Variants in TNFSF4 observed in about 807,000 individuals in gnomAD.
The protein encoded by TNFSF4 is TNF superfamily member 4, also known as tumor necrosis factor ligand superfamily member 4.
A neutral mutation model predicts 7.3 loss-of-function variants in TNFSF4; 4 were observed. The ratio of observed to expected loss-of-function variants is 0.55; its 90% CI spans 0.27 to 1.25. TNFSF4 has a LOEUF of 1.25. Among genes scored for constraint, TNFSF4 ranks in the 50% most tolerant of loss-of-function variants. TNFSF4 has a pLI of 0.12. For missense variants in TNFSF4, 181 were observed against 208.8 expected (o/e 0.87, Z 0.82); for synonymous variants, 76 against 83.7 (o/e 0.91, Z 0.50).
the TNFSF4 span, among the ~76,000 whole-genome samples, chr1:173,382,890 AC>A: frequency 6.6e-6 from 1 of 151,568 alleles, no homozygotes; most frequent in Non-Finnish European, 1.5e-5. Context: ...ACACACACAC[AC>A]ACACACACAC....
the TNFSF4 span, among the ~76,000 whole-genome samples, chr1:173,177,845 G>A: frequency 3.3e-5 from 5 of 152,162 alleles, no homozygotes; most frequent in Non-Finnish European, 5.9e-5. Context: ...AGAATTATAT[G>A]TTACAGGAAT....
the TNFSF4 span, among the ~76,000 whole-genome samples, chr1:173,409,735 T>G: frequency 3.9e-5 from 6 of 152,290 alleles, no homozygotes; most frequent in East Asian, 1.2e-3. Context: ...GACTCCCACA[T>G]GCAAATCTAA....
chr1:173,254,271 T>C, the TNFSF4 span, among the ~76,000 whole-genome samples: 1 of 152,204 alleles, frequency 6.6e-6, no homozygotes, highest in Non-Finnish European at 1.5e-5. Context: ...CAGCCTCCAT[T>C]CTATAAAATA....
chr1:173,431,955 GTAGCAAAGTGAAA>G, the TNFSF4 span, among the ~76,000 whole-genome samples: 1 of 152,184 alleles, frequency 6.6e-6, no homozygotes, highest in Non-Finnish European at 1.5e-5. Context: ...CTTGATAATA[GTAGCAAAGTGAAA>G]TCAGCAGAGT....
At chr1:173,204,472 G>A (rs1416665748) in intron 1 of TNFSF4, among the ~76,000 whole-genome samples, 1 of 152,136 alleles carries the variant, frequency 6.6e-6, no homozygotes, top group African/African-American at 2.4e-5. Flanking sequence ...TGAAAGGAAA[G>A]CTGACGGCCA....
the TNFSF4 span, among the ~76,000 whole-genome samples, chr1:173,328,631 A>G: frequency 6.6e-6 from 1 of 152,052 alleles, no homozygotes; most frequent in East Asian, 1.9e-4. Flanking sequence ...ATGTATACCT[A>G]TGTAACAAAC....
chr1:173,395,222 A>G, the TNFSF4 span, among the ~76,000 whole-genome samples: 1 of 151,094 alleles, frequency 6.6e-6, no homozygotes. Context: ...CCCTAATTTG[A>G]TTAGATTTGA....
At chr1:173,409,310 C>T in the TNFSF4 span, among the ~76,000 whole-genome samples, 1 of 152,162 alleles carries the variant, frequency 6.6e-6, no homozygotes. Context: ...CTGCGATAAT[C>T]ACATTTATTG....
chr1:173,316,862 C>T, the TNFSF4 span, among the ~76,000 whole-genome samples: 1 of 152,088 alleles, frequency 6.6e-6, no homozygotes, highest in African/African-American at 2.4e-5. Flanking sequence ...TGGAGATTTT[C>T]TCCCATGTTT....
At chr1:173,248,450 G>C in the TNFSF4 span, among the ~76,000 whole-genome samples, 2 of 145,724 alleles carry the variant, frequency 1.4e-5, no homozygotes, top group African/African-American at 5.1e-5. Context: ...AGGAGAAAGA[G>C]AGAGGGAGAA....
At chr1:173,305,870 C>G in the TNFSF4 span, among the ~76,000 whole-genome samples, 1 of 151,798 alleles carries the variant, frequency 6.6e-6, no homozygotes, top group African/African-American at 2.4e-5. Context: ...CACCTCCTTC[C>G]CTCCACATGT....
At chr1:173,179,848 T>C (rs147796563), downstream of TNFSF4, among the ~76,000 whole-genome samples, 1 of 152,356 alleles carries the variant, frequency 6.6e-6, no homozygotes, top group Non-Finnish European at 1.5e-5. Context: ...TAATAACCAT[T>C]CGCCTTCATT....
chr1:173,244,360 C>T, the TNFSF4 span, among the ~76,000 whole-genome samples: 7,770 of 152,054 alleles, frequency 0.051, 241 homozygotes, highest in East Asian at 0.13. Context: ...AACATAAACC[C>T]GGCCGGGCGC....
chr1:173,418,503 A>G, the TNFSF4 span: 1 of 152,206 alleles, frequency 6.6e-6, no homozygotes, highest in South Asian at 2.1e-4. Flanking sequence ...AAGTTCCACC[A>G]GCAGCAGAGG....
the TNFSF4 span, among the ~76,000 whole-genome samples, chr1:173,227,693 G>A: frequency 6.6e-6 from 1 of 152,214 alleles, no homozygotes; most frequent in African/African-American, 2.4e-5. Context: ...CTACCCAAGG[G>A]AAGCTGTGAC....
rs188463327 is a variant in TNFSF4 at position 173,186,843 on chromosome 1, G to A, written c.225C>T (p.Phe75=). The part of the protein sequence containing the change: ...QFTEYKKEKG[F]ILTSQKEDEI... ...CATCCTCCTTTTGGGAAGTGAGGAT[G>A]AAACCTTTCTCCTTCTTATATTCTA... The change falls in exon 3 of 3, where the codon TTC becomes TTT. Residue 75 remains phenylalanine, a synonymous_variant. Coordinates refer to ENST00000281834, the MANE Select transcript of TNFSF4 (RefSeq NM_003326.5). 11 of 1,603,142 alleles carry A rather than the reference G, an allele frequency of 6.9e-6. No individual in the cohort carries two copies. In the East Asian group the frequency reaches 2.2e-4, roughly 33 times the overall value.
chr1:173,331,416 A>G, the TNFSF4 span, among the ~76,000 whole-genome samples: 2 of 152,198 alleles, frequency 1.3e-5, no homozygotes, highest in Non-Finnish European at 2.9e-5. Flanking sequence ...AAGTGAACAC[A>G]TTTAATTAGG....
At chr1:173,249,975 A>G in the TNFSF4 span, among the ~76,000 whole-genome samples, 1 of 152,134 alleles carries the variant, frequency 6.6e-6, no homozygotes, top group Non-Finnish European at 1.5e-5. Flanking sequence ...ATGTTTACCT[A>G]TGTAACAAAC....
At chr1:173,389,683 T>C in the TNFSF4 span, among the ~76,000 whole-genome samples, 1 of 152,204 alleles carries the variant, frequency 6.6e-6, no homozygotes, top group East Asian at 1.9e-4. Context: ...GAATCTCTTT[T>C]TAACTATTTC....
Sources: allele counts gnomAD v4.1 joint callset (sites outside exome capture counted in the v4.1 genomes callset), GRCh38; gene constraint gnomAD v4.1.1; transcripts MANE v1.5; gene names NCBI Gene and HGNC (gene_info 2026-07-23, HGNC 2026-07-21).